Variants in TMEM169 observed in about 807,000 individuals in gnomAD.
TMEM169 encodes the protein transmembrane protein 169.
A neutral mutation model predicts 27.3 loss-of-function variants in TMEM169; 18 were observed. The ratio of observed to expected loss-of-function variants is 0.66; its 90% confidence interval spans 0.46 to 0.98. The LOEUF is 0.98. TMEM169 is among the 50% of genes least tolerant of loss of function. TMEM169 has a pLI of 0.00. For missense variants in TMEM169, 320 were observed against 368.6 expected (o/e 0.87, Z 1.08); for synonymous variants, 136 against 142.1 (o/e 0.96, Z 0.30).
intron 1 of TMEM169, among the ~76,000 whole-genome samples, chr2:216,090,921 T>C (rs1440054601): frequency 6.6e-6 from 1 of 152,224 alleles, no homozygotes; most frequent in Non-Finnish European, 1.5e-5. Flanking sequence ...GTAGCCTTGA[T>C]AACAAGTAGC....
intron 2 of TMEM169, among the ~76,000 whole-genome samples, chr2:216,096,585 G>A (rs369121768): frequency 3.9e-5 from 6 of 151,986 alleles, no homozygotes; most frequent in African/African-American, 7.3e-5. Context: ...GGTTGGTCTC[G>A]AACTCCTGGC....
rs940474109 is a variant in TMEM169 at position 216,099,498 on chromosome 2, A to T, written c.272-422A>T. 2.0e-5 allele frequency among the ~76,000 whole-genome samples: 3 copies of T among 151,998 alleles called. No homozygotes were observed. Among genetic ancestry groups the T allele is most frequent in the African/African-American group, 7.3e-5 (3 of 41,326 alleles). On this transcript the variant is annotated intron_variant, in intron 2 of 2. Transcript: ENST00000437356. This position sits in a 1 kb window ranked among gnomAD's most constrained non-coding sequence, Gnocchi z 5.0. ...CCTCTCAGAAAGCACAGAACTAGGCATGAGAAGGGAAGGTGGTGGCCGTCC... is the reference window on the plus strand; with the variant it reads ...CCTCTCAGAAAGCACAGAACTAGGCTTGAGAAGGGAAGGTGGTGGCCGTCC...
Position 216,100,691 on chromosome 2 carries a change from G to A in TMEM169, c.*149G>A. The A allele has an allele frequency of 9.2e-7, 1 of 1,092,790 alleles. No individual in the cohort carries two copies. The allele number at this position is 1,092,790 out of a possible 1,614,324, so 67.7% of individuals were successfully genotyped here. On this transcript the variant is annotated 3_prime_UTR_variant, in exon 3 of 3. Coordinates refer to ENST00000437356, the MANE Select transcript of TMEM169 (RefSeq NM_001142311.2). ...ACTGATCAGTTTTACCATCTTGAGG[G>A]TTCCAGGAGGGCATGGAGCAGACAA...
chr2:216,100,821 G>A lies in TMEM169; in HGVS notation c.*279G>A. 1 of 452,654 alleles carries A rather than the reference G, an allele frequency of 2.2e-6. No homozygotes were observed. Among genetic ancestry groups the A allele is most frequent in the Non-Finnish European group, 4.0e-6 (1 of 247,228 alleles). The allele number at this position is 452,654 out of a possible 1,614,324, so 28.0% of individuals were successfully genotyped here. On this transcript the variant is annotated 3_prime_UTR_variant, in exon 3 of 3. Transcript: ENST00000437356. ...ATGGAACTCTGCTGTGTGTCGTTTT[G>A]GGAGCCTGGAAGTGTTACTGGTGCC...
rs114621162 is a variant in TMEM169 at position 216,098,148 on chromosome 2, G to A, written c.272-1772G>A. On this transcript the variant is annotated intron_variant, in intron 2 of 2. Transcript: ENST00000437356. The stretch of plus-strand genomic sequence containing the variant: ...TTTGATATTTGTTTCAAGTGCAAGA[G>A]GAAGTCAATGGAGGACTTTTAAGCA... 4.4e-3 allele frequency among the ~76,000 whole-genome samples: 674 copies of A among 152,286 alleles called. 7 individuals are homozygous for A. The highest frequency in any genetic ancestry group is 0.015 in the African/African-American group (633 of 41,542).
At chr2:216,095,274 G>A (rs1314239965) in intron 1 of TMEM169, among the ~76,000 whole-genome samples, 1 of 151,862 alleles carries the variant, frequency 6.6e-6, no homozygotes, top group African/African-American at 2.4e-5. Flanking sequence ...TTTTAGTAGA[G>A]ATGGGGTTTT....
chr2:216,099,897 C>G lies in TMEM169; in HGVS notation c.272-23C>G, dbSNP rs368983992. The G allele has an allele frequency of 6.3e-7, 1 of 1,591,592 alleles. No homozygotes were observed. Among genetic ancestry groups the G allele is most frequent in the African/African-American group, 1.4e-5 (1 of 73,986 alleles). On this transcript the variant is annotated intron_variant, in intron 2 of 2. Coordinates refer to ENST00000437356, the MANE Select transcript of TMEM169 (RefSeq NM_001142311.2). This position sits in a 1 kb window ranked among gnomAD's most constrained non-coding sequence, Gnocchi z 5.0. Reference sequence around the variant, plus strand: ...AATGCCCACTCTTCTGATCTTGACTCTCACCTCCTTTGTACCCTGCAGATA... The same window carrying G: ...AATGCCCACTCTTCTGATCTTGACTGTCACCTCCTTTGTACCCTGCAGATA...
Position 216,102,091 on chromosome 2 carries a change from G to C in TMEM169, c.*1549G>C, listed in dbSNP as rs1696409112. ...AGTAGCATAACTCTTTGTCCTGGTG[G>C]TGGAGGTGGGACGAGGTGGTGATAT... On this transcript the variant is annotated 3_prime_UTR_variant, in exon 3 of 3. Coordinates refer to ENST00000437356, the MANE Select transcript of TMEM169 (RefSeq NM_001142311.2). 1 of 152,168 alleles carries C rather than the reference G, an allele frequency of 6.6e-6. No individual in the cohort carries two copies. The highest frequency in any genetic ancestry group is 1.5e-5 in the Non-Finnish European group (1 of 68,036). The allele number at this position is 152,168 out of a possible 1,614,324, so 9.4% of individuals were successfully genotyped here. A position where few individuals can be genotyped will look rare whatever the true frequency, so the allele number is the denominator to read the frequency against.
intron 1 of TMEM169, among the ~76,000 whole-genome samples, chr2:216,087,480 C>T (rs938275432): frequency 5.9e-5 from 9 of 151,962 alleles, no homozygotes; most frequent in Non-Finnish European, 1.2e-4. Flanking sequence ...GACTTAGAGA[C>T]TAATTATTAT....
At chr2:216,089,040 G>A (rs1696070586) in intron 1 of TMEM169, among the ~76,000 whole-genome samples, 1 of 152,194 alleles carries the variant, frequency 6.6e-6, no homozygotes, top group Non-Finnish European at 1.5e-5. Context: ...GAGGAACAGA[G>A]TGTGCTGTTG....
At chr2:216,083,303 G>T (rs890850672) in intron 1 of TMEM169, among the ~76,000 whole-genome samples, 2 of 152,110 alleles carry the variant, frequency 1.3e-5, no homozygotes, top group African/African-American at 4.8e-5. Flanking sequence ...AAACAGGAAA[G>T]CTCAAAGTGT....
Position 216,100,496 on chromosome 2 carries a change from T to C in TMEM169, c.848T>C (p.Leu283Pro), listed in dbSNP as rs979488349. 6.2e-7 allele frequency: 1 copy of C among 1,614,026 alleles called. No homozygotes were observed. The highest frequency in any genetic ancestry group is 1.3e-5 in the African/African-American group (1 of 74,980). The change falls in exon 3 of 3, where the codon CTC becomes CCC. Residue 283 changes from leucine (L) to proline (P), a missense_variant. Leu to Pro is a moderately conservative substitution (Grantham distance 98). Transcript: ENST00000437356. ...GAATCCGACAATATCTCAAGCACTC[T>C]CTCCAACAAGGACCCCATCCAAGAA... is the stretch of plus-strand genomic sequence containing the variant. ...LLESDNISST[L>P]SNKDPIQEVE...
intron 1 of TMEM169, among the ~76,000 whole-genome samples, chr2:216,084,756 C>T (rs572022710): frequency 6.6e-6 from 1 of 152,118 alleles, no homozygotes; most frequent in African/African-American, 2.4e-5. Context: ...CGGGGTGGAG[C>T]AGCAGAGCAG....
chr2:216,096,052 C>A lies in TMEM169; in HGVS notation c.89C>A (p.Ala30Glu). Residue 30 changes from alanine (A) to glutamate (E), a missense_variant, in exon 2 of 3, where the codon GCG (alanine) becomes GAG (glutamate). Transcript: ENST00000437356. Reference protein sequence around the residue: ...SLRKAVAAALALDGESTMGHR... With the variant: ...SLRKAVAAALELDGESTMGHR... ...AGGAAGGCTGTGGCTGCTGCCCTGG[C>A]GCTGGATGGGGAATCCACAATGGGG... The A allele has an allele frequency of 6.2e-7, 1 of 1,614,178 alleles. No individual in the cohort carries two copies. Among genetic ancestry groups the A allele is most frequent in the Non-Finnish European group, 8.5e-7 (1 of 1,180,026 alleles).
rs538803353 is a variant in TMEM169, at chr2:216,099,011, G to A, written c.272-909G>A. 1.1e-4 allele frequency among the ~76,000 whole-genome samples: 16 copies of A among 150,762 alleles called. No homozygotes were observed. The highest frequency in any genetic ancestry group is 1.5e-4 in the African/African-American group (6 of 41,004). ...TGTGTAGTGTATATATGTGGAATGT[G>A]TGGGGGGCAGCATTTGTGTGCATGT... On this transcript the variant is annotated intron_variant, in intron 2 of 2. Coordinates refer to ENST00000437356, the MANE Select transcript of TMEM169 (RefSeq NM_001142311.2). The surrounding 1 kb of genome is among the most constrained non-coding windows in gnomAD (Gnocchi z 5.0).
rs1174598523 is a variant in TMEM169 at position 216,081,995 on chromosome 2, C to T, written c.-127+16C>T. On this transcript the variant is annotated intron_variant, in intron 1 of 2. Coordinates refer to ENST00000437356, the MANE Select transcript of TMEM169 (RefSeq NM_001142311.2). Reference sequence around the variant, plus strand: ...GCAGGTGTGGGTGAGACTGCTCGTTCGTTTCTTTAAATTTCGATGCCATTG... The same window carrying T: ...GCAGGTGTGGGTGAGACTGCTCGTTTGTTTCTTTAAATTTCGATGCCATTG... The T allele has an allele frequency of 4.5e-6, 2 of 447,070 alleles. No individual in the cohort carries two copies. The highest frequency in any genetic ancestry group is 5.6e-5 in the South Asian group (2 of 35,824). The allele number at this position is 447,070 out of a possible 1,614,324, so 27.7% of individuals were successfully genotyped here.
intron 1 of TMEM169, among the ~76,000 whole-genome samples, chr2:216,087,612 T>C (rs1166623345): frequency 6.6e-6 from 1 of 152,232 alleles, no homozygotes; most frequent in African/African-American, 2.4e-5. Context: ...AACATGGGCT[T>C]TGAAATTAGC....
chr2:216,092,001 T>G (rs994467392), intron 1 of TMEM169, among the ~76,000 whole-genome samples: 1 of 152,188 alleles, frequency 6.6e-6, no homozygotes, highest in African/African-American at 2.4e-5. Context: ...TAAGTAGACA[T>G]TGGCTGGGCA....
chr2:216,097,688 T>C (rs1301845013), intron 2 of TMEM169, among the ~76,000 whole-genome samples: 1 of 152,154 alleles, frequency 6.6e-6, no homozygotes, highest in Non-Finnish European at 1.5e-5. Context: ...AGATAAGCAA[T>C]TTCTCTGCTC....
Sources: gnomAD v4.1 joint callset for allele counts (sites outside exome capture counted in the v4.1 genomes callset) on GRCh38, gnomAD v4.1.1 for gene constraint, Gnocchi (gnomAD v3.1) non-coding constraint, MANE v1.5 for transcripts, NCBI Gene and HGNC (gene_info 2026-07-23, HGNC 2026-07-21) for gene names.